CCDC88C: variants seen among roughly 807,000 people sequenced by gnomAD.
CCDC88C encodes the protein coiled-coil and HOOK domain protein 88C, also known as protein Daple.
CCDC88C carries 131 observed loss-of-function variants against 198.8 expected under a neutral mutation model. The ratio of observed to expected loss-of-function variants is 0.66; its 90% CI spans 0.57 to 0.76. The LOEUF is 0.76. Among genes scored for constraint, CCDC88C ranks in the 30% least tolerant of loss-of-function variants. CCDC88C has a pLI of 0.00. For missense variants in CCDC88C, 2,553 were observed against 2,631.6 expected (o/e 0.97, Z 0.65); for synonymous variants, 1,166 against 1,114.7 (o/e 1.05, Z -0.92).
chr14:91,294,507 A>G (rs548160470), intron 22 of CCDC88C, among the ~76,000 whole-genome samples, 189 bp from the exon 23 acceptor site: 1 of 152,362 alleles, frequency 6.6e-6, no homozygotes, highest in African/African-American at 2.4e-5. Context: ...CTGCAGCTGC[A>G]TTGTTTAATC....
chr14:91,391,650 G>C (rs1475127330), intron 3 of CCDC88C, among the ~76,000 whole-genome samples: 1 of 152,080 alleles, frequency 6.6e-6, no homozygotes, highest in Non-Finnish European at 1.5e-5. Context: ...GTGGTGGCGT[G>C]TGCCTGTAAT....
chr14:91,279,366 G>T, intron 27 of CCDC88C, 60 bp from the exon 28 acceptor site: 1 of 1,393,814 alleles, frequency 7.2e-7, no homozygotes, highest in Non-Finnish European at 9.9e-7. Context: ...TCCCAGATGA[G>T]CCATCTAAGA....
chr14:91,403,995 A>C (rs746878078), intron 3 of CCDC88C, among the ~76,000 whole-genome samples: 2 of 152,254 alleles, frequency 1.3e-5, no homozygotes, highest in Non-Finnish European at 2.9e-5. Context: ...AATGAGTAAA[A>C]CAAGCATCGG....
chr14:91,351,233 G>A lies in CCDC88C; in HGVS notation c.341-7576C>T, dbSNP rs112766124. ...TACATGCTGGTGTGAACCACTAACTGCTTTCCCTGGTTTTGTACTTAAAAA... is the reference window on the plus strand; with the variant it reads ...TACATGCTGGTGTGAACCACTAACTACTTTCCCTGGTTTTGTACTTAAAAA... On this transcript the variant is annotated intron_variant, in intron 4 of 29. Coordinates refer to ENST00000389857, the MANE Select transcript of CCDC88C (RefSeq NM_001080414.4). 3.3e-5 allele frequency among the ~76,000 whole-genome samples: 5 copies of A among 152,268 alleles called. 1 individual carries two copies. The highest frequency in any genetic ancestry group is 1.2e-4 in the African/African-American group (5 of 41,556).
Position 91,339,574 on chromosome 14 carries a change from C to A in CCDC88C, c.625-112G>T. Reference sequence around the variant, plus strand: ...CAAAAGACAGATATTTCAGCGGAGACTAAGAAACGAGGAGGAAGGTGGGAA... The same window carrying A: ...CAAAAGACAGATATTTCAGCGGAGAATAAGAAACGAGGAGGAAGGTGGGAA... On this transcript the variant is annotated intron_variant, in intron 7 of 29. Transcript: ENST00000389857. This position sits in a 1 kb window ranked among gnomAD's most constrained non-coding sequence, Gnocchi z 5.8. The A allele has an allele frequency of 9.2e-7, 1 of 1,088,232 alleles. No homozygotes were observed. Among genetic ancestry groups the A allele is most frequent in the Non-Finnish European group, 1.3e-6 (1 of 768,166 alleles). 67.4% of individuals were successfully genotyped at this position (1,088,232 alleles called of 1,614,324 possible). A position where few individuals can be genotyped will look rare whatever the true frequency, so the allele number is the denominator to read the frequency against.
At chr14:91,304,094 A>C (rs1008264553) in intron 19 of CCDC88C, 116 bp from the exon 20 acceptor site, 1 of 1,195,886 alleles carries the variant, frequency 8.4e-7, no homozygotes, top group Non-Finnish European at 1.2e-6. Context: ...AGGGCAGAAG[A>C]CCCAGAGGGT....
chr14:91,293,862 C>A lies in CCDC88C; in HGVS notation c.4112+311G>T, dbSNP rs370120122. 3.3e-5 allele frequency among the ~76,000 whole-genome samples: 5 copies of A among 152,342 alleles called. No individual in the cohort carries two copies. The South Asian group carries it at 1.0e-3, about 32-fold the overall frequency. ...TCATTCCCAGCCTTCAGTTTGAATTCTCCCCCTTGAGATACTTCAGTGTTC... is the reference window on the plus strand; with the variant it reads ...TCATTCCCAGCCTTCAGTTTGAATTATCCCCCTTGAGATACTTCAGTGTTC... On this transcript the variant is annotated intron_variant, in intron 23 of 29. Coordinates refer to ENST00000389857, the MANE Select transcript of CCDC88C (RefSeq NM_001080414.4).
chr14:91,362,784 C>G (rs1450833273), intron 3 of CCDC88C, among the ~76,000 whole-genome samples: 1 of 152,068 alleles, frequency 6.6e-6, no homozygotes, highest in African/African-American at 2.4e-5. Context: ...AAAAAATAAG[C>G]TGGGCGTGGT....
At chr14:91,321,415 G>A (rs1892351180) in intron 12 of CCDC88C, 111 bp from the exon 13 acceptor site, 8 of 1,152,400 alleles carry the variant, frequency 6.9e-6, no homozygotes, top group Admixed American at 4.2e-5. Context: ...TAAGGGGCTG[G>A]GGAGGAGCTC....
At chr14:91,300,912 C>G (rs1891248721) in intron 20 of CCDC88C, among the ~76,000 whole-genome samples, 1 of 152,166 alleles carries the variant, frequency 6.6e-6, no homozygotes, top group Admixed American at 6.5e-5. Flanking sequence ...TGATCTTTCC[C>G]ATTCAGGCAA....
rs1223263282 is a variant in CCDC88C, at chr14:91,349,252, T to C, written c.341-5595A>G. On this transcript the variant is annotated intron_variant, in intron 4 of 29. Coordinates refer to ENST00000389857, the MANE Select transcript of CCDC88C (RefSeq NM_001080414.4). ...TGCTATGGGAACCCGGGAAAGGAAC[T>C]TCTAATTTGCAGCAAGGCCCAGGGC... Among the ~76,000 whole-genome samples the C allele has an allele frequency of 3.3e-5, 5 of 152,078 alleles. No individual in the cohort carries two copies. The East Asian group carries it at 9.6e-4, about 29-fold the overall frequency.
chr14:91,307,207 G>A lies in CCDC88C; in HGVS notation c.3026C>T (p.Thr1009Ile). 6.2e-7 allele frequency: 1 copy of A among 1,613,626 alleles called. No homozygotes were observed. Among genetic ancestry groups the A allele is most frequent in the Non-Finnish European group, 8.5e-7 (1 of 1,179,866 alleles). ...CCCCTCTCCCTGGTTCTGCCTGAGG[G>A]TCTCACACTCCTTCTTTAGCTACAG... ...ELQMLKKECE[T>I]LRQNQGEGQH... The change falls in exon 18 of 30, where the codon ACC (threonine) becomes ATC (isoleucine). Residue 1009 changes from threonine (T) to isoleucine (I), a missense_variant. By Grantham distance (89) the Thr-to-Ile change is moderately conservative (BLOSUM62 -1). This residue lies in a region of CCDC88C where 1,260 missense variants were observed against 1,412.0 expected (regional missense o/e 0.89). Coordinates refer to ENST00000389857, the MANE Select transcript of CCDC88C (RefSeq NM_001080414.4).
At chr14:91,345,471 G>A (rs141485354) in intron 4 of CCDC88C, among the ~76,000 whole-genome samples, 2,098 of 152,128 alleles carry the variant, frequency 0.014, 48 homozygotes, top group African/African-American at 0.047. Context: ...GATTACAGAC[G>A]TGAGCAGCCG....
At chr14:91,370,365 C>T (rs934610495) in intron 3 of CCDC88C, among the ~76,000 whole-genome samples, 3 of 152,218 alleles carry the variant, frequency 2.0e-5, no homozygotes, top group Admixed American at 6.5e-5. Flanking sequence ...AGTGCCCACG[C>T]GTCCAGAAGA....
intron 3 of CCDC88C, among the ~76,000 whole-genome samples, chr14:91,394,370 T>C (rs571994935): frequency 7.9e-5 from 12 of 152,334 alleles, no homozygotes; most frequent in African/African-American, 2.9e-4. Flanking sequence ...AGTCAGGGTC[T>C]GGGTCCCTGC....
chr14:91,392,747 A>ACTCTCACTG (rs1567118385), intron 3 of CCDC88C, among the ~76,000 whole-genome samples: 1 of 147,494 alleles, frequency 6.8e-6, no homozygotes, highest in Admixed American at 6.7e-5. Context: ...CACTCTCACC[A>ACTCTCACTG]CGCCCCTCAC....
At position 91,291,089 on chromosome 14, in the gene CCDC88C, G is replaced by A. The variant is rs1596028189; in HGVS notation, c.4113-5C>T. 18 of 1,455,718 alleles carry A rather than the reference G, an allele frequency of 1.2e-5. No homozygotes were observed. The highest frequency in any genetic ancestry group is 2.4e-5 in the South Asian group (2 of 83,326). The allele number at this position is 1,455,718 out of a possible 1,614,324, so 90.2% of individuals were successfully genotyped here. ...CGTAAGGCATTTAATTTGTCTCTGT[G>A]AATATAGGAGAAAGAAAACCTATCA... On this transcript the variant is annotated splice_region_variant and splice_polypyrimidine_tract_variant and intron_variant, in intron 23 of 29. Coordinates refer to ENST00000389857, the MANE Select transcript of CCDC88C (RefSeq NM_001080414.4).
intron 3 of CCDC88C, among the ~76,000 whole-genome samples, chr14:91,390,624 T>G (rs1372630544): frequency 6.6e-6 from 1 of 152,202 alleles, no homozygotes; most frequent in Non-Finnish European, 1.5e-5. Flanking sequence ...GCCAGCCCAC[T>G]GCACCTTCCC....
chr14:91,325,082 G>A lies in CCDC88C; in HGVS notation c.1198-159C>T. On this transcript the variant is annotated intron_variant, in intron 11 of 29. Transcript: ENST00000389857. The surrounding 1 kb of genome is among the most constrained non-coding windows in gnomAD (Gnocchi z 4.1). ...CTGCACAGAAACATCCCAACACAGG[G>A]CCCTGCTATGAGAGGGAAAGCCACT... Among the ~76,000 whole-genome samples, 1 of 152,156 alleles carries A rather than the reference G, an allele frequency of 6.6e-6. No homozygotes were observed. Among genetic ancestry groups the A allele is most frequent in the Non-Finnish European group, 1.5e-5 (1 of 68,028 alleles).
Sources: gnomAD v4.1 joint callset for allele counts (sites outside exome capture counted in the v4.1 genomes callset) on GRCh38, gnomAD v4.1.1 for gene constraint, gnomAD v4.1.1 regional missense constraint, Gnocchi (gnomAD v3.1) non-coding constraint, MANE v1.5 for transcripts, NCBI Gene and HGNC (gene_info 2026-07-23, HGNC 2026-07-21) for gene names.